The following DCAF13 variants were observed in gnomAD, a reference collection of about 807,000 sequenced individuals.
DCAF13 encodes the protein DDB1 and CUL4 associated factor 13.
A neutral mutation model predicts 59.0 loss-of-function variants in DCAF13; 38 were observed. The ratio of observed to expected loss-of-function variants is 0.64; its 90% confidence interval spans 0.50 to 0.84. The LOEUF (loss-of-function observed/expected upper bound fraction) is 0.84. Among genes scored for constraint, DCAF13 ranks in the 40% least tolerant of loss-of-function variants. The probability of loss-of-function intolerance (pLI) is 0.00; values close to 1 mark genes in which losing one functional copy is unlikely to be tolerated. For synonymous variants in DCAF13, 173 were observed against 175.0 expected (o/e 0.99, Z 0.09); for missense variants, 469 against 558.4 (o/e 0.84, Z 1.61).
chr8:103,420,965 C>G lies in DCAF13; in HGVS notation c.271-10C>G. 6.4e-7 allele frequency: 1 copy of G among 1,555,874 alleles called. No homozygotes were observed. Among genetic ancestry groups the G allele is most frequent in the Non-Finnish European group, 8.9e-7 (1 of 1,127,444 alleles). On this transcript the variant is annotated splice_polypyrimidine_tract_variant and intron_variant, in intron 2 of 10. Coordinates refer to ENST00000612750, the MANE Select transcript of DCAF13 (RefSeq NM_015420.7). ...AGTTCACTGAAATTTCCTGGTATGC[C>G]TTATCATAGGTTAGAATTTGGAATC...
chr8:103,418,837 TATATATATATATATATATATATATATA>T (rs1816665904), intron 1 of DCAF13, among the ~76,000 whole-genome samples: 1 of 12,996 alleles, frequency 7.7e-5, no homozygotes, highest in African/African-American at 4.4e-4. Context: ...TATATATATA[TATATATATATATATATATATATATATA>T]TATTTTTTTT....
chr8:103,416,198 A>G (rs1262056551), intron 1 of DCAF13, among the ~76,000 whole-genome samples: 3 of 152,220 alleles, frequency 2.0e-5, no homozygotes, highest in Non-Finnish European at 4.4e-5. Context: ...GGGCTGTGTC[A>G]TTAGTTTGAA....
intron 8 of DCAF13, chr8:103,439,663 A>G (rs1816981683): frequency 6.6e-6 from 1 of 152,246 alleles, no homozygotes; most frequent in African/African-American, 2.4e-5. Flanking sequence ...CATTAGATTC[A>G]GCATATCAGG....
chr8:103,418,612 G>A (rs549966244), intron 1 of DCAF13, among the ~76,000 whole-genome samples: 17 of 151,506 alleles, frequency 1.1e-4, no homozygotes, highest in African/African-American at 3.9e-4. Flanking sequence ...GAGATGATGA[G>A]TAGGACTTTG....
intron 1 of DCAF13, among the ~76,000 whole-genome samples, chr8:103,419,541 G>A (rs959646818): frequency 6.6e-6 from 1 of 152,144 alleles, no homozygotes; most frequent in East Asian, 1.9e-4. Context: ...ACAGTATTTA[G>A]CACCAGAGAT....
Position 103,440,140 on chromosome 8 carries a change from G to A in DCAF13, c.955G>A (p.Val319Ile), listed in dbSNP as rs757199454. Residue 319 changes from valine (V) to isoleucine (I), a missense_variant, in exon 9 of 11, where the codon GTA (valine) becomes ATA (isoleucine). Around this residue, in one of 3 missense-constraint regions of DCAF13, gnomAD observed 355 missense variants for 399.1 expected, o/e 0.89. Coordinates refer to ENST00000612750, the MANE Select transcript of DCAF13 (RefSeq NM_015420.7). ...AACTTAATTCGTTTTCTATAGGGAG[G>A]TATATCATACAAAGAGAATGCAACA... is the stretch of plus-strand genomic sequence containing the variant. ...FPVDKSRSRE[V>I]YHTKRMQHVI... 1.3e-6 allele frequency: 2 copies of A among 1,575,592 alleles called. No individual in the cohort carries two copies. The highest frequency in any genetic ancestry group is 8.6e-7 in the Non-Finnish European group (1 of 1,166,864).
chr8:103,423,941 C>G (rs1484638401), intron 3 of DCAF13, among the ~76,000 whole-genome samples: 2 of 152,038 alleles, frequency 1.3e-5, no homozygotes, highest in Non-Finnish European at 2.9e-5. Context: ...GGGCTCAAGC[C>G]TGTCTCAGCC....
intron 8 of DCAF13, 140 bp downstream of exon 8, chr8:103,435,930 G>C: frequency 1.2e-6 from 1 of 806,134 alleles, no homozygotes; most frequent in Non-Finnish European, 2.0e-6. Context: ...ATGGTATAAC[G>C]TGTTGCACAC....
chr8:103,424,239 T>C (rs1418997133), intron 3 of DCAF13, among the ~76,000 whole-genome samples: 1 of 152,150 alleles, frequency 6.6e-6, no homozygotes, highest in African/African-American at 2.4e-5. Flanking sequence ...GTGTTAGCCA[T>C]GATGGTCTCG....
At chr8:103,428,106 A>C (rs1021338077) in intron 5 of DCAF13, 4 of 152,208 alleles carry the variant, frequency 2.6e-5, no homozygotes, top group Non-Finnish European at 5.9e-5. Flanking sequence ...AAAAGATAGG[A>C]AGTAAGGTTG....
chr8:103,432,594 G>C (rs1586132127), intron 6 of DCAF13, 65 bp from the exon 7 acceptor site: 1 of 1,002,586 alleles, frequency 1.0e-6, no homozygotes, highest in South Asian at 1.3e-5. Flanking sequence ...TGAAATATTT[G>C]CTTAAATCAG....
intron 3 of DCAF13, among the ~76,000 whole-genome samples, chr8:103,422,300 T>A (rs1041238506): frequency 6.6e-6 from 1 of 152,192 alleles, no homozygotes; most frequent in African/African-American, 2.4e-5. Flanking sequence ...GATGCAGGTC[T>A]GGAGCTCAGG....
In DCAF13 at chr8:103,431,243, A is replaced by G. The variant is rs184263293; in HGVS notation, c.702+554A>G. Among the ~76,000 whole-genome samples, 50 of 152,334 alleles carry G rather than the reference A, an allele frequency of 3.3e-4. 1 individual carries two copies. Among genetic ancestry groups the G allele is most frequent in the Admixed American group, 1.4e-3 (22 of 15,298 alleles). On this transcript the variant is annotated intron_variant, in intron 6 of 10. Transcript: ENST00000612750. ...GGACTTACATATCAGAGCTAATAAT[A>G]CAACTTAAGCTAACTCTCAAGAGGG...
chr8:103,418,072 G>A (rs183757080), intron 1 of DCAF13, among the ~76,000 whole-genome samples: 4,891 of 151,662 alleles, frequency 0.032, 120 homozygotes, highest in Non-Finnish European at 0.052. Flanking sequence ...AGCTTGCAGT[G>A]AGCCGAGATT....
chr8:103,418,860 ATATATATTTTTTTTTTTTTTTTTTTT>A (rs1395466048), intron 1 of DCAF13, among the ~76,000 whole-genome samples: 10 of 34,616 alleles, frequency 2.9e-4, no homozygotes, highest in African/African-American at 1.3e-3. Context: ...ATATATATAT[ATATATATTTTTTTTTTTTTTTTTTTT>A]TTTTTTTTTT....
intron 8 of DCAF13, among the ~76,000 whole-genome samples, chr8:103,436,450 T>C (rs1816936068): frequency 6.6e-6 from 1 of 152,200 alleles, no homozygotes; most frequent in South Asian, 2.1e-4. Context: ...AGCTGTCCCA[T>C]AGTCTCGTGT....
intron 3 of DCAF13, among the ~76,000 whole-genome samples, chr8:103,424,395 C>G (rs1816763097): frequency 6.6e-6 from 1 of 152,174 alleles, no homozygotes; most frequent in South Asian, 2.1e-4. Context: ...CTTGCTGGTA[C>G]AACTTTAAGA....
intron 1 of DCAF13, among the ~76,000 whole-genome samples, chr8:103,416,109 G>C (rs930974595): frequency 6.6e-6 from 1 of 152,200 alleles, no homozygotes. Context: ...CCAACCATGC[G>C]TAAGCAGATT....
At chr8:103,435,940 C>T (rs1325348955) in intron 8 of DCAF13, 150 bp downstream of exon 8, 4 of 755,094 alleles carry the variant, frequency 5.3e-6, no homozygotes, top group Admixed American at 4.5e-5. Context: ...GTGTTGCACA[C>T]CTAGGCTGTG....
Sources: allele counts gnomAD v4.1 joint callset (sites outside exome capture counted in the v4.1 genomes callset), GRCh38; gene constraint gnomAD v4.1.1; regional missense constraint gnomAD v4.1.1; transcripts MANE v1.5; gene names NCBI Gene and HGNC (gene_info 2026-07-23, HGNC 2026-07-21).